The following PAX5 variants were observed in gnomAD, a reference collection of about 807,000 sequenced individuals.
The protein encoded by PAX5 is paired box 5, also known as paired box protein Pax-5.
A neutral mutation model predicts 43.7 loss-of-function variants in PAX5; 9 were observed. The ratio of observed to expected loss-of-function variants is 0.21; its 90% confidence interval spans 0.12 to 0.36. The LOEUF is 0.36. Among genes scored for constraint, PAX5 ranks in the 10% least tolerant of loss-of-function variants. PAX5 has a pLI of 1.00. For missense variants in PAX5, 383 were observed against 532.7 expected (o/e 0.72, Z 2.77); for synonymous variants, 228 against 214.3 (o/e 1.06, Z -0.56).
chr9:36,900,808 C>T (rs999516968), intron 7 of PAX5, among the ~76,000 whole-genome samples: 1 of 152,174 alleles, frequency 6.6e-6, no homozygotes, highest in African/African-American at 2.4e-5. Flanking sequence ...CCCACTGCCT[C>T]TGCACATTCC....
chr9:37,032,513 T>A (rs980836287), intron 1 of PAX5, among the ~76,000 whole-genome samples: 1 of 152,226 alleles, frequency 6.6e-6, no homozygotes, highest in Non-Finnish European at 1.5e-5. Flanking sequence ...GGGAGCACTC[T>A]TCTGCCTCAG....
intron 7 of PAX5, among the ~76,000 whole-genome samples, chr9:36,907,914 G>A (rs1046710078): frequency 5.9e-5 from 9 of 152,298 alleles, no homozygotes; most frequent in Middle Eastern, 3.4e-3. Context: ...TTATTTTACA[G>A]TGAACATGTA....
At chr9:36,926,053 C>T (rs1830616076) in intron 6 of PAX5, among the ~76,000 whole-genome samples, 1 of 152,184 alleles carries the variant, frequency 6.6e-6, no homozygotes, top group Non-Finnish European at 1.5e-5. Flanking sequence ...TCACAGTCAC[C>T]CCTTGAAGCA....
chr9:36,878,035 G>C (rs189603108), intron 8 of PAX5, among the ~76,000 whole-genome samples: 3 of 152,170 alleles, frequency 2.0e-5, no homozygotes, highest in African/African-American at 7.2e-5. Flanking sequence ...TGCCGGGAAC[G>C]AACCACAAAA....
Position 36,882,900 on chromosome 9 carries a change from T to C in PAX5, c.911-795A>G, listed in dbSNP as rs1826570677. Among the ~76,000 whole-genome samples, 1 of 152,230 alleles carries C rather than the reference T, an allele frequency of 6.6e-6. No homozygotes were observed. Among genetic ancestry groups the C allele is most frequent in the Admixed American group, 6.5e-5 (1 of 15,290 alleles). ...GCTGGGACACTGTCACCATCACTGA[T>C]TGGCTCCATCACGCAGAGGAAAATT... On this transcript the variant is annotated intron_variant, in intron 7 of 9. Transcript: ENST00000358127. The surrounding 1 kb of genome is among the most constrained non-coding windows in gnomAD (Gnocchi z 4.4).
chr9:36,929,536 C>A (rs755744890), intron 6 of PAX5, among the ~76,000 whole-genome samples: 15 of 152,216 alleles, frequency 9.9e-5, no homozygotes, highest in Non-Finnish European at 1.8e-4. Flanking sequence ...CTGTGTTCTA[C>A]ATTTCCTACT....
In PAX5 at chr9:36,838,399, C is replaced by T. The variant is rs1468819989; in HGVS notation, c.*2161G>A. 5 of 232,668 alleles carry T rather than the reference C, an allele frequency of 2.1e-5. No homozygotes were observed. The highest frequency in any genetic ancestry group is 4.2e-5 in the Non-Finnish European group (5 of 117,826). The allele number at this position is 232,668 out of a possible 1,614,324, so 14.4% of individuals were successfully genotyped here. On this transcript the variant is annotated 3_prime_UTR_variant, in exon 10 of 10. Transcript: ENST00000358127. The stretch of plus-strand genomic sequence containing the variant: ...AACACCATGGGTTGGGGGTCAGGAG[C>T]CCGAGTCCCAGCCCCACCCCCACCA...
At chr9:36,852,895 G>T (rs1026567810) in intron 8 of PAX5, among the ~76,000 whole-genome samples, 4 of 152,122 alleles carry the variant, frequency 2.6e-5, no homozygotes, top group African/African-American at 9.7e-5. Flanking sequence ...AGACCCCAGG[G>T]ATCCCACCAT....
chr9:37,024,034 G>T (rs1402609853), intron 1 of PAX5, among the ~76,000 whole-genome samples: 1 of 152,122 alleles, frequency 6.6e-6, no homozygotes. Context: ...TTGTCAGATG[G>T]TCAGGGAGAC....
chr9:36,865,442 C>T (rs1824774653), intron 8 of PAX5, among the ~76,000 whole-genome samples: 2 of 152,228 alleles, frequency 1.3e-5, no homozygotes, highest in East Asian at 3.9e-4. Flanking sequence ...ATTTCTGTGC[C>T]CATTCTTTGA....
intron 5 of PAX5, among the ~76,000 whole-genome samples, chr9:36,999,228 C>T (rs947495416): frequency 6.6e-5 from 10 of 152,230 alleles, no homozygotes; most frequent in Non-Finnish European, 8.8e-5. Flanking sequence ...ACATGCTCAC[C>T]AGAGTCCCAG....
intron 5 of PAX5, among the ~76,000 whole-genome samples, chr9:36,974,866 C>T (rs1835289675): frequency 6.6e-6 from 1 of 152,092 alleles, no homozygotes; most frequent in Non-Finnish European, 1.5e-5. Context: ...GTCAGGGTCA[C>T]CCCCCACTTC....
chr9:36,983,581 T>C (rs907954569), intron 5 of PAX5, among the ~76,000 whole-genome samples: 1 of 152,234 alleles, frequency 6.6e-6, no homozygotes, highest in Admixed American at 6.5e-5. Context: ...CGCTACAAAA[T>C]ACTTGTTTTA....
At chr9:36,952,515 G>T (rs1833098674) in intron 6 of PAX5, among the ~76,000 whole-genome samples, 1 of 152,078 alleles carries the variant, frequency 6.6e-6, no homozygotes, top group African/African-American at 2.4e-5. Flanking sequence ...TACTACGTTT[G>T]TAACTTTTCT....
rs1274525839 is a variant in PAX5 at position 37,034,057 on chromosome 9, T to C, written c.-26A>G. ...TTTGATTTTTCAGGACTTGATGGAA[T>C]GGACAGGGAAAAGTTTCCACTTTTT... is the stretch of plus-strand genomic sequence containing the variant. On this transcript the variant is annotated 5_prime_UTR_variant, in exon 1 of 10. Coordinates refer to ENST00000358127, the MANE Select transcript of PAX5 (RefSeq NM_016734.3). 1.4e-6 allele frequency: 2 copies of C among 1,465,070 alleles called. No homozygotes were observed. The highest frequency in any genetic ancestry group is 1.2e-5 in the South Asian group (1 of 85,600). The allele number at this position is 1,465,070 out of a possible 1,614,324, so 90.8% of individuals were successfully genotyped here. A position where few individuals can be genotyped will look rare whatever the true frequency, so the allele number is the denominator to read the frequency against.
intron 6 of PAX5, among the ~76,000 whole-genome samples, chr9:36,923,744 C>T (rs145521622): frequency 6.6e-6 from 1 of 152,328 alleles, no homozygotes; most frequent in East Asian, 1.9e-4. Flanking sequence ...CCAAACTTTG[C>T]TCCCTCTGGC....
chr9:36,962,628 C>G (rs1248120929), intron 6 of PAX5, among the ~76,000 whole-genome samples: 1 of 152,144 alleles, frequency 6.6e-6, no homozygotes, highest in African/African-American at 2.4e-5. Flanking sequence ...AAATCATGAT[C>G]ACTTCTACCA....
Position 36,834,208 on chromosome 9 carries a change from G to A in PAX5, c.*6352C>T, listed in dbSNP as rs757139018. 8.6e-6 allele frequency: 2 copies of A among 233,166 alleles called. No homozygotes were observed. Among genetic ancestry groups the A allele is most frequent in the Admixed American group, 5.6e-5 (1 of 17,780 alleles). 14.4% of individuals were successfully genotyped at this position (233,166 alleles called of 1,614,324 possible). On this transcript the variant is annotated 3_prime_UTR_variant, in exon 10 of 10. Coordinates refer to ENST00000358127, the MANE Select transcript of PAX5 (RefSeq NM_016734.3). ...GGCTGAGAAGTGGGGCCCAGGCAAC[G>A]CCAGGCCCTCACTGCCCGCCACCCT... is the stretch of plus-strand genomic sequence containing the variant.
Position 37,006,484 on chromosome 9 carries a change from C to T in PAX5, c.464G>A (p.Ser155Asn). 1.9e-6 allele frequency: 3 copies of T among 1,613,884 alleles called. No individual in the cohort carries two copies. The highest frequency in any genetic ancestry group is 2.5e-6 in the Non-Finnish European group (3 of 1,179,780). ...QPPNQPVPAS[S>N]HSIVSTGSVT... ...AAAGTTCCTCTTACCTATGCTGTGA[C>T]TGGAAGCTGGGACTGGTTGGTTGGG... The change falls in exon 4 of 10, where the codon AGT becomes AAT. Residue 155 changes from serine (S) to asparagine (N), a missense_variant. Ser to Asn is a conservative substitution (Grantham distance 46). Around this residue, in one of 5 missense-constraint regions of PAX5, gnomAD observed 291 missense variants for 342.5 expected, o/e 0.85. Coordinates refer to ENST00000358127, the MANE Select transcript of PAX5 (RefSeq NM_016734.3).
Sources: allele counts gnomAD v4.1 joint callset (sites outside exome capture counted in the v4.1 genomes callset), GRCh38; gene constraint gnomAD v4.1.1; regional missense constraint gnomAD v4.1.1; non-coding constraint Gnocchi (gnomAD v3.1); transcripts MANE v1.5; gene names NCBI Gene and HGNC (gene_info 2026-07-23, HGNC 2026-07-21).